DYRK1A: variants seen among roughly 807,000 people sequenced by gnomAD.
The protein encoded by DYRK1A is dual specificity tyrosine-phosphorylation-regulated kinase 1A.
DYRK1A carries 9 observed loss-of-function variants against 79.7 expected under a neutral mutation model. The ratio of observed to expected loss-of-function variants is 0.11; its 90% CI spans 0.07 to 0.20. The LOEUF (loss-of-function observed/expected upper bound fraction) is 0.20. DYRK1A is among the 10% of genes least tolerant of loss of function. The pLI is 1.00. For missense variants in DYRK1A, 622 were observed against 956.0 expected (o/e 0.65, Z 4.61); for synonymous variants, 349 against 329.7 (o/e 1.06, Z -0.63).
chr21:37,486,662 CTT>C, intron 6 of DYRK1A, 48 bp downstream of exon 6: 2 of 1,382,162 alleles, frequency 1.4e-6, no homozygotes, highest in South Asian at 1.9e-5. Flanking sequence ...CACACCAAAA[CTT>C]TGAGTTAATG....
chr21:37,398,003 G>T (rs76170840), intron 1 of DYRK1A, among the ~76,000 whole-genome samples: 1 of 151,266 alleles, frequency 6.6e-6, no homozygotes, highest in Non-Finnish European at 1.5e-5. Flanking sequence ...ACTTTGGGGG[G>T]CTGAGGCAGG....
intron 2 of DYRK1A, chr21:37,464,278 G>A (rs753414496): frequency 2.0e-6 from 1 of 499,056 alleles, no homozygotes; most frequent in South Asian, 1.5e-5. Context: ...AATCAGTGCT[G>A]ATCCATACTG....
chr21:37,457,030 TTACTTAC>T (rs1569339521), intron 2 of DYRK1A, among the ~76,000 whole-genome samples: 1,526 of 70,620 alleles, frequency 0.022, 13 homozygotes, highest in East Asian at 0.043. Context: ...ACTTACTTAC[TTACTTAC>T]TTATTTATTT....
rs58947386 is a variant in DYRK1A at position 37,519,736 on chromosome 21, G to GTTTTTTTTGTTTTTTTTTTTTTTTTTT, written c.*7213_*7214insGTTTTTTTTTTTTTTTTTTTTTTTTTT. On this transcript the variant is annotated 3_prime_UTR_variant, in exon 12 of 12. Coordinates refer to ENST00000647188, the MANE Select transcript of DYRK1A (RefSeq NM_001347721.2). ...AGAGTTTTGAGGTTTGTTGTGGGAA[G>GTTTTTTTTGTTTTTTTTTTTTTTTTTT]TTTTTTTTTTTTTTTTTTTTTTTGA... 1.9e-3 allele frequency: 162 copies of GTTTTTTTTGTTTTTTTTTTTTTTTTTT among 85,788 alleles called. 15 individuals carry two copies. The highest frequency in any genetic ancestry group is 7.6e-3 in the African/African-American group (157 of 20,602). The allele number at this position is 85,788 out of a possible 1,614,324, so 5.3% of individuals were successfully genotyped here. A position where few individuals can be genotyped will look rare whatever the true frequency, so the allele number is the denominator to read the frequency against.
chr21:37,488,711 G>C, intron 6 of DYRK1A: 1 of 985,358 alleles, frequency 1.0e-6, no homozygotes, highest in Non-Finnish European at 1.2e-6. Context: ...AAACTAAGTA[G>C]ATCTTTCATT....
chr21:37,396,800 A>G (rs959416068), intron 1 of DYRK1A, among the ~76,000 whole-genome samples: 2 of 152,192 alleles, frequency 1.3e-5, no homozygotes, highest in Non-Finnish European at 2.9e-5. Context: ...AGTTGTGAGA[A>G]GGAATTAGTT....
chr21:37,445,637 G>C (rs1413852791), intron 2 of DYRK1A, among the ~76,000 whole-genome samples: 1 of 152,162 alleles, frequency 6.6e-6, no homozygotes, highest in Non-Finnish European at 1.5e-5. Context: ...ATACATCTGT[G>C]GGGTAGTCTG....
At chr21:37,370,920 GTA>G (rs533791976) in intron 1 of DYRK1A, among the ~76,000 whole-genome samples, 3 of 152,120 alleles carry the variant, frequency 2.0e-5, no homozygotes, top group Non-Finnish European at 4.4e-5. Context: ...AGCACCTTAT[GTA>G]TATATGGTGG....
intron 2 of DYRK1A, chr21:37,430,502 C>G: frequency 1.3e-6 from 1 of 778,712 alleles, no homozygotes; most frequent in South Asian, 5.9e-5. Flanking sequence ...GCGCAAATAC[C>G]TGGGAACCCT....
At chr21:37,378,706 T>A (rs1433175825) in intron 1 of DYRK1A, among the ~76,000 whole-genome samples, 1 of 152,202 alleles carries the variant, frequency 6.6e-6, no homozygotes, top group African/African-American at 2.4e-5. Flanking sequence ...TGGTAGAAGC[T>A]TTTGATTATA....
chr21:37,424,378 AAT>A (rs1245012534), intron 2 of DYRK1A, among the ~76,000 whole-genome samples: 2 of 152,144 alleles, frequency 1.3e-5, no homozygotes, highest in Non-Finnish European at 2.9e-5. Flanking sequence ...GAAATGTATA[AAT>A]ATATATAGAT....
chr21:37,409,528 A>C (rs969022240), intron 1 of DYRK1A, among the ~76,000 whole-genome samples: 2 of 152,218 alleles, frequency 1.3e-5, no homozygotes, highest in Admixed American at 6.5e-5. Flanking sequence ...AGTTTAAAAA[A>C]TTGGAAGTAC....
At chr21:37,399,051 C>G (rs2050008961) in intron 1 of DYRK1A, among the ~76,000 whole-genome samples, 1 of 152,046 alleles carries the variant, frequency 6.6e-6, no homozygotes, top group African/African-American at 2.4e-5. Flanking sequence ...GTCCCATTCC[C>G]TGAAGTCAAG....
In DYRK1A at chr21:37,454,085, C is replaced by CTTTTTTTTTTTT. The variant is rs571859735; in HGVS notation, c.11-18585_11-18574dup. On this transcript the variant is annotated intron_variant, in intron 2 of 11. Transcript: ENST00000647188. ...CTTTCATATTATGAGATGTAGTCTC[C>CTTTTTTTTTTTT]TTTTTTTTTTTTTTTTTTTTTTTTT... is the stretch of plus-strand genomic sequence containing the variant. Among the ~76,000 whole-genome samples the CTTTTTTTTTTTT allele has an allele frequency of 3.3e-3, 199 of 59,624 alleles. 26 individuals are homozygous for CTTTTTTTTTTTT. The highest frequency in any genetic ancestry group is 9.3e-3 in the East Asian group (15 of 1,616). 39.1% of individuals were successfully genotyped at this position (59,624 alleles called of 152,430 possible).
At chr21:37,440,725 C>T (rs2148476571) in intron 2 of DYRK1A, among the ~76,000 whole-genome samples, 1 of 152,174 alleles carries the variant, frequency 6.6e-6, no homozygotes, top group South Asian at 2.1e-4. Flanking sequence ...TTACATGGTT[C>T]TGTTACTTTA....
intron 2 of DYRK1A, among the ~76,000 whole-genome samples, chr21:37,450,676 G>C (rs2051418015): frequency 6.6e-6 from 1 of 152,208 alleles, no homozygotes; most frequent in South Asian, 2.1e-4. Flanking sequence ...AGAGTTCCCA[G>C]GCCAGCCTGG....
intron 2 of DYRK1A, among the ~76,000 whole-genome samples, chr21:37,443,145 C>CT (rs975228126): frequency 1.5e-4 from 23 of 151,534 alleles, no homozygotes; most frequent in South Asian, 1.3e-3. Context: ...TAGGAGATGT[C>CT]TTTTTTTTTC....
At chr21:37,439,119 C>T (rs1033613216) in intron 2 of DYRK1A, among the ~76,000 whole-genome samples, 1 of 152,112 alleles carries the variant, frequency 6.6e-6, no homozygotes, top group African/African-American at 2.4e-5. Flanking sequence ...CATAGAAATA[C>T]AATTGATATA....
upstream of DYRK1A, among the ~76,000 whole-genome samples, chr21:37,366,521 T>G (rs77050055): frequency 0.064 from 8,553 of 133,700 alleles, 295 homozygotes; most frequent in Middle Eastern, 0.14. Flanking sequence ...GTCCCCCTCC[T>G]CTCCCCTCCC....
Sources: gnomAD v4.1 joint callset for allele counts (sites outside exome capture counted in the v4.1 genomes callset) on GRCh38, gnomAD v4.1.1 for gene constraint, MANE v1.5 for transcripts, NCBI Gene and HGNC (gene_info 2026-07-23, HGNC 2026-07-21) for gene names.